The following ITPR3 variants were observed in gnomAD, a reference collection of about 807,000 sequenced individuals.
ITPR3 encodes the protein inositol 1,4,5-trisphosphate receptor type 3.
A neutral mutation model predicts 293.2 loss-of-function variants in ITPR3; 173 were observed. The observed-to-expected ratio is 0.59, with a 90% CI of 0.52 to 0.67. ITPR3 has a LOEUF of 0.67. Among genes scored for constraint, ITPR3 ranks in the 30% least tolerant of loss-of-function variants. The pLI is 0.00. For synonymous variants in ITPR3, 1,295 were observed against 1,444.4 expected, an observed-to-expected ratio of 0.90 and a Z score of 2.35; for missense variants, 2,796 against 3,592.1, an observed-to-expected ratio of 0.78 and a Z score of 5.66.
At chr6:33,671,989 A>G (rs772516074) in intron 21 of ITPR3, 40 bp from the exon 22 acceptor site, 4 of 1,561,482 alleles carry the variant, frequency 2.6e-6, no homozygotes, top group Non-Finnish European at 2.6e-6. Flanking sequence ...TACAGCCTCT[A>G]CAACCTCCTT....
At chr6:33,676,977 C>G (rs770601968) in intron 26 of ITPR3, 38 bp from the exon 27 acceptor site, 1 of 1,613,900 alleles carries the variant, frequency 6.2e-7, no homozygotes, top group South Asian at 1.1e-5. Context: ...CCTGTGAGGG[C>G]TGGGCCTGGC....
Position 33,675,654 on chromosome 6 carries a change from A to T in ITPR3, c.3117-37A>T. On this transcript the variant is annotated intron_variant, in intron 24 of 57. Coordinates refer to ENST00000605930, the MANE Select transcript of ITPR3 (RefSeq NM_002224.4). This position sits in a 1 kb window ranked among gnomAD's most constrained non-coding sequence, Gnocchi z 5.0. ...CACCACGGACAGCAGGGAGTGTGCC[A>T]GTCTCACCCATGCGCCCTGCACCCT... 6.4e-7 allele frequency: 1 copy of T among 1,553,228 alleles called. No homozygotes were observed. The highest frequency in any genetic ancestry group is 8.7e-7 in the Non-Finnish European group (1 of 1,145,992).
chr6:33,641,717 C>T (rs1006805823), intron 2 of ITPR3, among the ~76,000 whole-genome samples: 12 of 152,136 alleles, frequency 7.9e-5, no homozygotes, highest in Non-Finnish European at 1.6e-4. Context: ...AGCCTCCCTG[C>T]CATTCCTCAC....
At chr6:33,680,723 G>A in intron 33 of ITPR3, 43 bp downstream of exon 33, 1 of 1,583,578 alleles carries the variant, frequency 6.3e-7, no homozygotes, top group African/African-American at 1.3e-5. Flanking sequence ...GACTTGCCTA[G>A]CTTTTGTGAA....
chr6:33,679,199 G>A lies in ITPR3; in HGVS notation c.3972+360G>A, dbSNP rs1045104731. Among the ~76,000 whole-genome samples, 12 of 152,210 alleles carry A rather than the reference G, an allele frequency of 7.9e-5. No homozygotes were observed. The highest frequency in any genetic ancestry group is 2.7e-4 in the African/African-American group (11 of 41,448). ...CATGCATGGGGGACATCAGCTGAGT[G>A]TCAGCTCCTGGGGGGCACGGGCAGG... On this transcript the variant is annotated intron_variant, in intron 30 of 57. Coordinates refer to ENST00000605930, the MANE Select transcript of ITPR3 (RefSeq NM_002224.4). The surrounding 1 kb of genome is among the most constrained non-coding windows in gnomAD (Gnocchi z 4.2).
rs1465968390 is a variant in ITPR3, at chr6:33,687,526, C to G, written c.6226C>G (p.Arg2076Gly). Reference protein sequence around the residue: ...QLQHLLKPVKRIQEEEAEGIS... With the variant: ...QLQHLLKPVKGIQEEEAEGIS... ...GCAGCACCTGCTGAAGCCGGTGAAG[C>G]GCATTCAAGAGGAGGAGGCCGAGGG... Residue 2076 changes from arginine to glycine, a missense_variant, in exon 46 of 58, where the codon CGC (arginine) becomes GGC (glycine). Arg to Gly is a moderately radical substitution (Grantham distance 125). Transcript: ENST00000605930. The surrounding 1 kb of genome is among the most constrained non-coding windows in gnomAD (Gnocchi z 5.3). 3 of 1,599,526 alleles carry G rather than the reference C, an allele frequency of 1.9e-6. No homozygotes were observed. The highest frequency in any genetic ancestry group is 1.7e-5 in the Admixed American group (1 of 59,506).
chr6:33,679,873 C>T lies in ITPR3; in HGVS notation c.3973-9C>T, dbSNP rs779434033. 1.4e-5 allele frequency: 22 copies of T among 1,606,112 alleles called. No individual in the cohort carries two copies. The East Asian group carries it at 1.8e-4, about 13-fold the overall frequency. ...AGAGAGTGTGACACGTGCCCCCTCC[C>T]ACCCGCAGCTGACCAATGCAGGTGA... On this transcript the variant is annotated splice_polypyrimidine_tract_variant and intron_variant, in intron 30 of 57. Transcript: ENST00000605930. The surrounding 1 kb of genome is among the most constrained non-coding windows in gnomAD (Gnocchi z 4.2).
chr6:33,636,292 A>C (rs185772968), intron 1 of ITPR3, among the ~76,000 whole-genome samples: 24 of 151,576 alleles, frequency 1.6e-4, no homozygotes, highest in Admixed American at 7.9e-4. Context: ...ACAGAGTAAG[A>C]CTCTGTCTCA....
chr6:33,633,247 A>G lies in ITPR3; in HGVS notation c.90-7237A>G, dbSNP rs1016302201. Among the ~76,000 whole-genome samples, 4 of 152,240 alleles carry G rather than the reference A, an allele frequency of 2.6e-5. No homozygotes were observed. The highest frequency in any genetic ancestry group is 9.6e-5 in the African/African-American group (4 of 41,540). ...GGCGTCATCCTAGTAGAGGCTGGAC[A>G]GTGAGAGATCGGTGGGCTGGTAAAG... is the stretch of plus-strand genomic sequence containing the variant. On this transcript the variant is annotated intron_variant, in intron 1 of 57. Transcript: ENST00000605930. The surrounding 1 kb of genome is among the most constrained non-coding windows in gnomAD (Gnocchi z 5.2).
rs755307038 is a variant in ITPR3 at position 33,683,267 on chromosome 6, G to T, written c.4658G>T (p.Ser1553Ile). Residue 1553 changes from serine to isoleucine, a missense_variant, in exon 35 of 58, where the codon AGC becomes ATC. Ser to Ile is a moderately radical substitution (Grantham distance 142). Transcript: ENST00000605930. This position sits in a 1 kb window ranked among gnomAD's most constrained non-coding sequence, Gnocchi z 4.5. ...GATGCCCACATCAGCTCGATGCTCA[G>T]CAGTGGAGCCAGCTGTGCAGCTGCC... ...DLDAHISSML[S>I]SGASCAAAAQ... is the part of the protein sequence containing the mutation. The T allele has an allele frequency of 1.3e-6, 2 of 1,571,960 alleles. No individual in the cohort carries two copies. The highest frequency in any genetic ancestry group is 4.7e-5 in the East Asian group (2 of 42,846).
chr6:33,677,117 G>A (rs771787006), intron 27 of ITPR3, 28 bp downstream of exon 27: 1 of 1,604,572 alleles, frequency 6.2e-7, no homozygotes, highest in Non-Finnish European at 8.5e-7. Flanking sequence ...CTCGGGGTAG[G>A]GATCTGCAGC....
intron 13 of ITPR3, 98 bp downstream of exon 13, chr6:33,665,311 T>C: frequency 6.7e-7 from 1 of 1,484,244 alleles, no homozygotes; most frequent in Non-Finnish European, 9.1e-7. Context: ...CTGGGCAAAC[T>C]GGGGAGAGAG....
At position 33,692,415 on chromosome 6, in the gene ITPR3, T is replaced by C. The variant is rs1170902976; in HGVS notation, c.7459-313T>C. Among the ~76,000 whole-genome samples, 1 of 152,072 alleles carries C rather than the reference T, an allele frequency of 6.6e-6. No individual in the cohort carries two copies. The highest frequency in any genetic ancestry group is 1.9e-4 in the East Asian group (1 of 5,178). On this transcript the variant is annotated intron_variant, in intron 54 of 57. Transcript: ENST00000605930. This position sits in a 1 kb window ranked among gnomAD's most constrained non-coding sequence, Gnocchi z 4.2. ...CAGAGCTGCCTCTTTCCCTCATCAA[T>C]GTTAGGGGCAGAGACACACCGAGAC...
chr6:33,667,838 A>G lies in ITPR3; in HGVS notation c.1760A>G (p.Tyr587Cys), dbSNP rs1330229153. Residue 587 changes from tyrosine (Y) to cysteine (C), a missense_variant, in exon 16 of 58, where the codon TAC (tyrosine) becomes TGC (cysteine). By Grantham distance (194) the Tyr-to-Cys change is radical. This residue lies in a region of ITPR3 where 955 missense variants were observed against 1,180.8 expected (regional missense o/e 0.81). Transcript: ENST00000605930. This position sits in a 1 kb window ranked among gnomAD's most constrained non-coding sequence, Gnocchi z 4.4. Reference sequence around the variant, plus strand: ...GGGATGATGCAGTCCCAGATTGGCTACGACATCCTGGCCGAGGACACCATC... The same window carrying G: ...GGGATGATGCAGTCCCAGATTGGCTGCGACATCCTGGCCGAGGACACCATC... ...QFGMMQSQIG[Y>C]DILAEDTITA... 6.2e-7 allele frequency: 1 copy of G among 1,614,100 alleles called. No homozygotes were observed. The highest frequency in any genetic ancestry group is 1.1e-5 in the South Asian group (1 of 91,082).
rs964806770 is a variant in ITPR3, at chr6:33,693,466, A to G, written c.7625-79A>G. On this transcript the variant is annotated intron_variant, in intron 55 of 57. Transcript: ENST00000605930. Reference sequence around the variant, plus strand: ...AGAACAAATGCCTCCAACCCCCGGAAGCTGGGTCCCCTCCAGCAGGTGACC... The same window carrying G: ...AGAACAAATGCCTCCAACCCCCGGAGGCTGGGTCCCCTCCAGCAGGTGACC... 40 of 1,496,542 alleles carry G rather than the reference A, an allele frequency of 2.7e-5. No individual in the cohort carries two copies. In the Admixed American group the frequency reaches 6.7e-4, roughly 25 times the overall value. The allele number at this position is 1,496,542 out of a possible 1,614,324, so 92.7% of individuals were successfully genotyped here. A position where few individuals can be genotyped will look rare whatever the true frequency, so the allele number is the denominator to read the frequency against.
rs1765214752 is a variant in ITPR3 at position 33,685,822 on chromosome 6, C to T, written c.5662C>T (p.Leu1888=). 6.4e-7 allele frequency: 1 copy of T among 1,566,282 alleles called. No homozygotes were observed. The highest frequency in any genetic ancestry group is 1.8e-5 in the Admixed American group (1 of 55,644). Residue 1888 remains leucine (L), a synonymous_variant, in exon 41 of 58, where the codon CTG becomes TTG. Coordinates refer to ENST00000605930, the MANE Select transcript of ITPR3 (RefSeq NM_002224.4). ...GCTGTGTGAGAACCACAACCGGGACCTGCAGGTGAGTGCCTCGCCACACAC... is the reference window on the plus strand; with the variant it reads ...GCTGTGTGAGAACCACAACCGGGACTTGCAGGTGAGTGCCTCGCCACACAC... ...QLLCENHNRD[L]QNFLRCQNNK... is the part of the protein sequence containing the mutation.
Position 33,687,395 on chromosome 6 carries a change from AT to A in ITPR3, c.6177+69del. The A allele has an allele frequency of 2.1e-6, 3 of 1,455,980 alleles. No individual in the cohort carries two copies. Among genetic ancestry groups the A allele is most frequent in the Non-Finnish European group, 1.9e-6 (2 of 1,057,836 alleles). 90.2% of individuals were successfully genotyped at this position (1,455,980 alleles called of 1,614,324 possible). On this transcript the variant is annotated intron_variant, in intron 45 of 57. Transcript: ENST00000605930. This position sits in a 1 kb window ranked among gnomAD's most constrained non-coding sequence, Gnocchi z 5.3. ...ACCATACCCCGCCCCAGCTGCCATC[AT>A]CCCCCAGTCGCCATTGTCGCCCCCC...
chr6:33,683,917 G>GT lies in ITPR3; in HGVS notation c.4789-103_4789-102insT. 1 of 1,319,834 alleles carries GT rather than the reference G, an allele frequency of 7.6e-7. No homozygotes were observed. Among genetic ancestry groups the GT allele is most frequent in the Non-Finnish European group, 1.0e-6 (1 of 961,602 alleles). 81.8% of individuals were successfully genotyped at this position (1,319,834 alleles called of 1,614,324 possible). A position where few individuals can be genotyped will look rare whatever the true frequency, so the allele number is the denominator to read the frequency against. On this transcript the variant is annotated intron_variant, in intron 35 of 57. Coordinates refer to ENST00000605930, the MANE Select transcript of ITPR3 (RefSeq NM_002224.4). The surrounding 1 kb of genome is among the most constrained non-coding windows in gnomAD (Gnocchi z 4.5). ...GTGGGTGTGGGCCCCTCAGACAGAG[G>GT]CAGGGCAATCTGTGGGGCTGTTTGG...
intron 55 of ITPR3, 139 bp downstream of exon 55, chr6:33,693,032 A>G (rs981036712): frequency 4.3e-5 from 33 of 775,668 alleles, no homozygotes; most frequent in Non-Finnish European, 6.6e-5. Flanking sequence ...TGCTCATCCC[A>G]GAACTGGGGA....
Sources: gnomAD v4.1 joint callset for allele counts (sites outside exome capture counted in the v4.1 genomes callset) on GRCh38, gnomAD v4.1.1 for gene constraint, gnomAD v4.1.1 regional missense constraint, Gnocchi (gnomAD v3.1) non-coding constraint, MANE v1.5 for transcripts, NCBI Gene and HGNC (gene_info 2026-07-23, HGNC 2026-07-21) for gene names.